The following DIAPH3 variants were observed in gnomAD, a reference collection of about 807,000 sequenced individuals.
DIAPH3 encodes protein diaphanous homolog 3.
In DIAPH3, 117 loss-of-function variants were observed where a neutral mutation model predicts 144.3. The observed-to-expected ratio is 0.81, with a 90% CI of 0.70 to 0.95. The LOEUF is 0.95. DIAPH3 is among the 40% of genes least tolerant of loss of function. The pLI, the probability that DIAPH3 is intolerant of heterozygous loss-of-function variation, is 0.00. For synonymous variants in DIAPH3, 519 were observed against 488.9 expected (o/e 1.06, Z -0.81); for missense variants, 1,421 against 1,412.7 (o/e 1.01, Z -0.09).
intron 27 of DIAPH3, among the ~76,000 whole-genome samples, chr13:59,720,273 A>C (rs2035273629): frequency 6.6e-6 from 1 of 152,176 alleles, no homozygotes; most frequent in East Asian, 1.9e-4. Flanking sequence ...TGGGTCTGTC[A>C]TTGACCTAAA....
intron 20 of DIAPH3, among the ~76,000 whole-genome samples, chr13:59,909,589 TACC>T (rs2046896393): frequency 6.6e-6 from 1 of 152,204 alleles, no homozygotes; most frequent in Non-Finnish European, 1.5e-5. Flanking sequence ...AAAATATTAG[TACC>T]ACAGAAACCA....
intron 27 of DIAPH3, among the ~76,000 whole-genome samples, chr13:59,699,361 A>G (rs1028958481): frequency 2.6e-5 from 4 of 152,240 alleles, no homozygotes; most frequent in South Asian, 4.1e-4. Context: ...GGGAATAGCA[A>G]GATGGCTGGG....
chr13:59,714,685 A>G (rs1372725578), intron 27 of DIAPH3, among the ~76,000 whole-genome samples: 1 of 151,926 alleles, frequency 6.6e-6, no homozygotes, highest in African/African-American at 2.4e-5. Context: ...CATCCTGTCT[A>G]TATCAGTTAG....
At position 59,666,606 on chromosome 13, in the gene DIAPH3, A is replaced by G; in HGVS notation, c.3560T>C (p.Leu1187Pro). ...NESVPEVEAL[L>P]ARLRAL ...AACTTATAAAGCTCGTAATCTTGCC[A>G]GCAGGGCTTCAACTTCGGGAACTGA... The change falls in exon 28 of 28, where the codon CTG becomes CCG. Residue 1187 changes from leucine to proline, a missense_variant. Transcript: ENST00000400324. The G allele has an allele frequency of 6.2e-7, 1 of 1,614,148 alleles. No individual in the cohort carries two copies. The highest frequency in any genetic ancestry group is 8.5e-7 in the Non-Finnish European group (1 of 1,179,990).
At chr13:59,996,832 T>C (rs1594272793) in intron 9 of DIAPH3, among the ~76,000 whole-genome samples, 4 of 152,056 alleles carry the variant, frequency 2.6e-5, no homozygotes, top group African/African-American at 7.2e-5. Flanking sequence ...TAGAGGAACA[T>C]GCCACTACAT....
chr13:60,106,213 C>A (rs537371480), intron 3 of DIAPH3, among the ~76,000 whole-genome samples: 2 of 152,154 alleles, frequency 1.3e-5, no homozygotes, highest in East Asian at 3.9e-4. Flanking sequence ...ACTAAGACAA[C>A]AGACGTAAAT....
intron 15 of DIAPH3, 48 bp from the exon 16 acceptor site, chr13:59,971,208 A>G: frequency 6.6e-7 from 1 of 1,504,424 alleles, no homozygotes; most frequent in African/African-American, 1.4e-5. Context: ...TATCTACAAA[A>G]CATGTAAATA....
chr13:59,933,993 T>C (rs1809239621), intron 17 of DIAPH3, among the ~76,000 whole-genome samples: 1 of 152,170 alleles, frequency 6.6e-6, no homozygotes, highest in Non-Finnish European at 1.5e-5. Flanking sequence ...ACTAATCAGA[T>C]TGATTAAAAA....
In DIAPH3 at chr13:60,042,770, C is replaced by T. The variant is rs1566702555; in HGVS notation, c.546G>A (p.Glu182=). The T allele has an allele frequency of 4.3e-6, 7 of 1,613,776 alleles. No individual in the cohort carries two copies. The highest frequency in any genetic ancestry group is 5.9e-6 in the Non-Finnish European group (7 of 1,179,792). The change falls in exon 5 of 28, where the codon GAG becomes GAA. Residue 182 remains glutamate (E), a synonymous_variant. Transcript: ENST00000400324. ...TCTCATCTGCAGACCCCATTTTCAG[C>T]TCATGAATGAATTCCTGAGGTGAGA... ...RQISPQEFIH[E]LKMGSADERL... is the part of the protein sequence containing the mutation.
At chr13:60,068,410 G>C (rs1002658693) in intron 4 of DIAPH3, among the ~76,000 whole-genome samples, 1 of 152,146 alleles carries the variant, frequency 6.6e-6, no homozygotes, top group Non-Finnish European at 1.5e-5. Context: ...TATCCATACT[G>C]TCAGTCTTTA....
At chr13:59,721,413 T>G (rs976633245) in intron 27 of DIAPH3, among the ~76,000 whole-genome samples, 10 of 152,202 alleles carry the variant, frequency 6.6e-5, no homozygotes, top group Non-Finnish European at 1.2e-4. Context: ...ACTGGGATTT[T>G]TATACAACCA....
chr13:59,808,429 T>A (rs2040301731), intron 25 of DIAPH3, among the ~76,000 whole-genome samples: 1 of 151,906 alleles, frequency 6.6e-6, no homozygotes, highest in Admixed American at 6.6e-5. Flanking sequence ...AGCAAAAATC[T>A]TAAAAAATAA....
intron 14 of DIAPH3, among the ~76,000 whole-genome samples, chr13:59,980,529 C>T (rs2050929829): frequency 6.6e-6 from 1 of 151,376 alleles, no homozygotes; most frequent in African/African-American, 2.4e-5. Flanking sequence ...AAGTCATTCA[C>T]ATATAAATAC....
intron 18 of DIAPH3, among the ~76,000 whole-genome samples, chr13:59,921,421 G>A (rs1349561197): frequency 2.0e-5 from 3 of 150,774 alleles, no homozygotes; most frequent in Admixed American, 1.3e-4. Context: ...AATAAAAAAA[G>A]AATTATATGA....
At chr13:59,780,674 A>G (rs1254496900) in intron 25 of DIAPH3, among the ~76,000 whole-genome samples, 2 of 152,216 alleles carry the variant, frequency 1.3e-5, no homozygotes, top group Non-Finnish European at 2.9e-5. Context: ...AGTGGAATCA[A>G]TAGGTCTTAG....
At chr13:60,142,472 A>C (rs1489666445) in intron 1 of DIAPH3, among the ~76,000 whole-genome samples, 1 of 152,164 alleles carries the variant, frequency 6.6e-6, no homozygotes, top group Non-Finnish European at 1.5e-5. Flanking sequence ...CTAGAGAAAA[A>C]ACAGTAAGAA....
intron 27 of DIAPH3, among the ~76,000 whole-genome samples, chr13:59,768,174 T>G (rs1392912237): frequency 6.6e-6 from 1 of 152,138 alleles, no homozygotes; most frequent in Non-Finnish European, 1.5e-5. Flanking sequence ...AGCATTTGAT[T>G]CTGCTTGAAA....
chr13:59,804,544 C>A (rs1469705722), intron 25 of DIAPH3, among the ~76,000 whole-genome samples: 2 of 151,988 alleles, frequency 1.3e-5, no homozygotes, highest in Non-Finnish European at 2.9e-5. Context: ...TATAGGCTGG[C>A]AAATAATATG....
intron 19 of DIAPH3, among the ~76,000 whole-genome samples, chr13:59,915,810 G>A (rs1167720497): frequency 6.6e-6 from 1 of 151,840 alleles, no homozygotes; most frequent in Non-Finnish European, 1.5e-5. Context: ...ATCTTCATAA[G>A]CCAAAGAAAA....
Sources: allele counts gnomAD v4.1 joint callset (sites outside exome capture counted in the v4.1 genomes callset), GRCh38; gene constraint gnomAD v4.1.1; transcripts MANE v1.5; gene names NCBI Gene and HGNC (gene_info 2026-07-23, HGNC 2026-07-21).